The following KYAT1 variants were observed in gnomAD, a reference collection of about 807,000 sequenced individuals.
KYAT1 encodes kynurenine aminotransferase 1.
Under a neutral mutation model 52.4 loss-of-function variants are expected in KYAT1, and 47 were observed. That is an observed-to-expected ratio of 0.90 (90% CI 0.71 to 1.14). The LOEUF (loss-of-function observed/expected upper bound fraction) is 1.14. Ranked by LOEUF, KYAT1 falls within the 50% of genes most tolerant of loss-of-function variation. The probability of loss-of-function intolerance (pLI) is 0.00; values close to 1 mark genes in which losing one functional copy is unlikely to be tolerated. For missense variants in KYAT1, 480 were observed against 557.9 expected (o/e 0.86, Z 1.41); for synonymous variants, 212 against 209.6 (o/e 1.01, Z -0.10).
chr9:128,863,237 G>A (rs1835702183), intron 1 of KYAT1, among the ~76,000 whole-genome samples: 1 of 152,038 alleles, frequency 6.6e-6, no homozygotes, highest in African/African-American at 2.4e-5. Flanking sequence ...GAGAGACGGG[G>A]GAAGGATTAG....
intron 1 of KYAT1, among the ~76,000 whole-genome samples, chr9:128,857,025 G>GGA (rs1564480361): frequency 1.3e-5 from 2 of 152,252 alleles, no homozygotes; most frequent in African/African-American, 2.4e-5. Context: ...TTCTGAGATA[G>GGA]GAGAAAAACC....
intron 2 of KYAT1, 48 bp from the exon 3 acceptor site, chr9:128,842,849 C>A: frequency 6.3e-7 from 1 of 1,580,608 alleles, no homozygotes. Flanking sequence ...TCCATGGTGA[C>A]CTGGACTTCG....
chr9:128,864,598 C>G (rs1450920379), intron 1 of KYAT1, among the ~76,000 whole-genome samples: 1 of 151,952 alleles, frequency 6.6e-6, no homozygotes, highest in East Asian at 1.9e-4. Flanking sequence ...GGTCCCATCA[C>G]TTTTATTATT....
At chr9:128,866,624 T>C (rs1366384049) in intron 1 of KYAT1, among the ~76,000 whole-genome samples, 2 of 148,804 alleles carry the variant, frequency 1.3e-5, no homozygotes, top group Non-Finnish European at 3.0e-5. Flanking sequence ...GAAAAGAAAA[T>C]AGTCGCCGGG....
At chr9:128,869,754 T>C (rs1181117981) in intron 1 of KYAT1, among the ~76,000 whole-genome samples, 1 of 150,786 alleles carries the variant, frequency 6.6e-6, no homozygotes, top group East Asian at 1.9e-4. Flanking sequence ...CTTGATAATG[T>C]ACTTTTTTTT....
intron 1 of KYAT1, among the ~76,000 whole-genome samples, chr9:128,881,192 T>C (rs752302397): frequency 2.4e-4 from 37 of 152,084 alleles, no homozygotes; most frequent in Admixed American, 9.8e-4. Context: ...GCCATTCTCC[T>C]GCCTCAGCCT....
intron 1 of KYAT1, among the ~76,000 whole-genome samples, chr9:128,875,479 G>C (rs989560147): frequency 1.6e-4 from 24 of 151,996 alleles, no homozygotes; most frequent in African/African-American, 5.8e-4. Context: ...CGGGTGTGGT[G>C]GTGGGCACCT....
chr9:128,862,743 G>A (rs540251799), intron 1 of KYAT1, among the ~76,000 whole-genome samples: 1 of 152,316 alleles, frequency 6.6e-6, no homozygotes, highest in South Asian at 2.1e-4. Flanking sequence ...AACCAGGATC[G>A]GCTTCCATTG....
At chr9:128,864,124 A>G (rs1204099854) in intron 1 of KYAT1, among the ~76,000 whole-genome samples, 1 of 152,010 alleles carries the variant, frequency 6.6e-6, no homozygotes, top group Non-Finnish European at 1.5e-5. Flanking sequence ...GCACTTTGGG[A>G]GGCCGAGGCA....
intron 1 of KYAT1, among the ~76,000 whole-genome samples, chr9:128,848,560 G>A (rs1236956692): frequency 2.0e-5 from 3 of 152,162 alleles, no homozygotes. Context: ...GCTCACGCCT[G>A]TAATCCCAGC....
intron 1 of KYAT1, among the ~76,000 whole-genome samples, chr9:128,879,676 C>T (rs953020801): frequency 6.6e-6 from 1 of 152,308 alleles, no homozygotes; most frequent in Non-Finnish European, 1.5e-5. Context: ...AGTCTCCAGC[C>T]TCATCATTTC....
chr9:128,838,872 A>G (rs1427557270), intron 3 of KYAT1, among the ~76,000 whole-genome samples: 1 of 152,204 alleles, frequency 6.6e-6, no homozygotes, highest in Admixed American at 6.5e-5. Context: ...CACTTTCCAC[A>G]TCTGTAAGTT....
At chr9:128,846,050 G>A (rs1833041689) in intron 1 of KYAT1, among the ~76,000 whole-genome samples, 1 of 152,180 alleles carries the variant, frequency 6.6e-6, no homozygotes. Context: ...CTCCTCGGAG[G>A]GTCCCGGGGT....
At chr9:128,845,760 AAAG>A (rs1832990821) in intron 1 of KYAT1, among the ~76,000 whole-genome samples, 1 of 152,208 alleles carries the variant, frequency 6.6e-6, no homozygotes, top group South Asian at 2.1e-4. Context: ...GCTGAGGGTT[AAAG>A]AAGAGGAGCA....
intron 1 of KYAT1, among the ~76,000 whole-genome samples, chr9:128,856,573 A>G (rs1484565809): frequency 2.6e-5 from 4 of 152,186 alleles, no homozygotes; most frequent in South Asian, 2.1e-4. Context: ...TTAATTTGTA[A>G]CTTTGCCCCA....
intron 1 of KYAT1, among the ~76,000 whole-genome samples, chr9:128,852,001 C>A (rs1269377991): frequency 6.6e-6 from 1 of 152,100 alleles, no homozygotes; most frequent in African/African-American, 2.4e-5. Context: ...ATTGCCCAAC[C>A]TACAGTTCAC....
At chr9:128,874,722 CTTTTTTTTT>C (rs201788280) in intron 1 of KYAT1, among the ~76,000 whole-genome samples, 5,949 of 123,698 alleles carry the variant, frequency 0.048, 146 homozygotes, top group Middle Eastern at 0.12. Context: ...ATAATCCTGC[CTTTTTTTTT>C]TTTTTTTTTT....
intron 3 of KYAT1, chr9:128,842,102 G>A: frequency 2.8e-6 from 1 of 355,258 alleles, no homozygotes; most frequent in East Asian, 9.4e-5. Flanking sequence ...TGAGGTGGGA[G>A]GACCACTTGA....
chr9:128,838,935 CTTTT>C (rs1025667516), intron 3 of KYAT1, among the ~76,000 whole-genome samples: 5 of 123,832 alleles, frequency 4.0e-5, no homozygotes, highest in Non-Finnish European at 6.7e-5. Flanking sequence ...GCGGGAGAGG[CTTTT>C]ATTTATTTAT....
Sources: allele counts gnomAD v4.1 joint callset (sites outside exome capture counted in the v4.1 genomes callset), GRCh38; gene constraint gnomAD v4.1.1; transcripts MANE v1.5; gene names NCBI Gene and HGNC (gene_info 2026-07-23, HGNC 2026-07-21).